GRID2: variants seen among roughly 807,000 people sequenced by gnomAD.
The protein encoded by GRID2 is glutamate ionotropic receptor delta type subunit 2, also known as glutamate receptor ionotropic, delta-2.
Under a neutral mutation model 114.8 loss-of-function variants are expected in GRID2, and 33 were observed. The ratio of observed to expected loss-of-function variants is 0.29; its 90% CI spans 0.22 to 0.38. The LOEUF is 0.38. GRID2 is among the 10% of genes least tolerant of loss of function. The pLI is 1.00. For synonymous variants in GRID2, 505 were observed against 449.9 expected (o/e 1.12, Z -1.55); for missense variants, 1,184 against 1,257.7 (o/e 0.94, Z 0.89).
At chr4:93,650,095 C>T (rs1237118374) in intron 14 of GRID2, among the ~76,000 whole-genome samples, 2 of 152,030 alleles carry the variant, frequency 1.3e-5, no homozygotes, top group Non-Finnish European at 2.9e-5. Flanking sequence ...GCTCACACTT[C>T]CTCTGGTTAA....
rs575508116 is a variant in GRID2, at chr4:93,013,860, T to C, written c.245-71135T>C. ...ATAAACATTATTTGAGGGGCAATTATGAACTAGTATTTTATAAAGCATATT... is the reference window on the plus strand; with the variant it reads ...ATAAACATTATTTGAGGGGCAATTACGAACTAGTATTTTATAAAGCATATT... On this transcript the variant is annotated intron_variant, in intron 2 of 15. Coordinates refer to ENST00000282020, the MANE Select transcript of GRID2 (RefSeq NM_001510.4). Among the ~76,000 whole-genome samples, 13 of 152,046 alleles carry C rather than the reference T, an allele frequency of 8.6e-5. No homozygotes were observed. In the East Asian group the frequency reaches 2.1e-3, roughly 25 times the overall value.
chr4:93,584,025 C>G (rs1329847271), intron 13 of GRID2, among the ~76,000 whole-genome samples: 1 of 151,972 alleles, frequency 6.6e-6, no homozygotes, highest in Non-Finnish European at 1.5e-5. Context: ...TGAAAAATGA[C>G]CTCTATTAAA....
intron 2 of GRID2, among the ~76,000 whole-genome samples, chr4:92,888,030 G>T (rs1746495073): frequency 6.6e-6 from 1 of 152,256 alleles, no homozygotes; most frequent in East Asian, 1.9e-4. Context: ...ATAAATAAAT[G>T]AGTGTGATAG....
At chr4:92,796,749 A>C (rs1048693037) in intron 2 of GRID2, among the ~76,000 whole-genome samples, 6 of 151,870 alleles carry the variant, frequency 4.0e-5, no homozygotes, top group Non-Finnish European at 8.8e-5. Flanking sequence ...CATTCTGTAC[A>C]TCAAACCTTT....
intron 13 of GRID2, among the ~76,000 whole-genome samples, chr4:93,523,913 T>C (rs2149502128): frequency 6.6e-6 from 1 of 152,272 alleles, no homozygotes; most frequent in African/African-American, 2.4e-5. Context: ...CAGCTTCATC[T>C]ATACTTCGTC....
At chr4:92,678,309 C>T (rs535907113) in intron 2 of GRID2, among the ~76,000 whole-genome samples, 4 of 152,082 alleles carry the variant, frequency 2.6e-5, no homozygotes, top group South Asian at 2.1e-4. Flanking sequence ...ATTATAAATT[C>T]GATAAGGGCA....
rs1409009529 is a variant in GRID2, at chr4:93,760,831, C to A, written c.2361-8379C>A. ...AATCATAATCACTTCCCTGGAATTTCTTTTTTTAGGAGTGTAATATCTGCT... is the reference window on the plus strand; with the variant it reads ...AATCATAATCACTTCCCTGGAATTTATTTTTTTAGGAGTGTAATATCTGCT... On this transcript the variant is annotated intron_variant, in intron 14 of 15. Coordinates refer to ENST00000282020, the MANE Select transcript of GRID2 (RefSeq NM_001510.4). 2.0e-5 allele frequency among the ~76,000 whole-genome samples: 3 copies of A among 152,126 alleles called. No individual in the cohort carries two copies. The East Asian group carries it at 5.8e-4, about 29-fold the overall frequency.
intron 2 of GRID2, among the ~76,000 whole-genome samples, chr4:92,872,010 T>G (rs1745314543): frequency 6.6e-6 from 1 of 152,136 alleles, no homozygotes; most frequent in Non-Finnish European, 1.5e-5. Flanking sequence ...GGTGTATGTG[T>G]GAGTGTGTGT....
rs142022202 is a variant in GRID2, at chr4:92,949,185, G to T, written c.245-135810G>T. Reference sequence around the variant, plus strand: ...GTGTGTGAGAGAGAGAGAGAAGGAGGGAGTATTTAACGAGTAGCTTCTAAA... The same window carrying T: ...GTGTGTGAGAGAGAGAGAGAAGGAGTGAGTATTTAACGAGTAGCTTCTAAA... On this transcript the variant is annotated intron_variant, in intron 2 of 15. Coordinates refer to ENST00000282020, the MANE Select transcript of GRID2 (RefSeq NM_001510.4). Among the ~76,000 whole-genome samples the T allele has an allele frequency of 2.7e-3, 401 of 151,178 alleles. 5 individuals carry two copies. Among genetic ancestry groups the T allele is most frequent in the African/African-American group, 9.4e-3 (389 of 41,272 alleles).
chr4:93,467,868 T>C (rs1724440488), intron 11 of GRID2, among the ~76,000 whole-genome samples: 1 of 152,194 alleles, frequency 6.6e-6, no homozygotes, highest in African/African-American at 2.4e-5. Flanking sequence ...GAAACAAACT[T>C]CCTTTATTTA....
chr4:93,667,963 A>T (rs566628941), intron 14 of GRID2, among the ~76,000 whole-genome samples: 23 of 152,130 alleles, frequency 1.5e-4, no homozygotes, highest in Non-Finnish European at 2.5e-4. Context: ...TCTTTTCAAG[A>T]TTATCAAATG....
In GRID2 at chr4:92,477,754, T is replaced by C. The variant is rs183838332; in HGVS notation, c.89-112377T>C. Among the ~76,000 whole-genome samples, 16 of 147,928 alleles carry C rather than the reference T, an allele frequency of 1.1e-4. No individual in the cohort carries two copies. The East Asian group carries it at 3.1e-3, about 29-fold the overall frequency. On this transcript the variant is annotated intron_variant, in intron 1 of 15. Transcript: ENST00000282020. ...TAAACAGGGTATATATGTTTATATATTTATATATCCTCTTTTATATATATT... is the reference window on the plus strand; with the variant it reads ...TAAACAGGGTATATATGTTTATATACTTATATATCCTCTTTTATATATATT...
chr4:92,695,456 G>T (rs899532726), intron 2 of GRID2, among the ~76,000 whole-genome samples: 25 of 151,760 alleles, frequency 1.6e-4, no homozygotes, highest in African/African-American at 6.1e-4. Flanking sequence ...GAAAATGAAA[G>T]AAATTCATAT....
intron 10 of GRID2, 98 bp from the exon 11 acceptor site, chr4:93,455,564 G>T: frequency 1.4e-6 from 1 of 701,254 alleles, no homozygotes; most frequent in East Asian, 2.6e-5. Flanking sequence ...TATATTGCCT[G>T]AGGCATCTAT....
At chr4:92,792,713 TC>T (rs1739652518) in intron 2 of GRID2, among the ~76,000 whole-genome samples, 1 of 151,806 alleles carries the variant, frequency 6.6e-6, no homozygotes, top group Non-Finnish European at 1.5e-5. Context: ...ATAGAAATTT[TC>T]CACATATTTG....
intron 14 of GRID2, among the ~76,000 whole-genome samples, chr4:93,634,605 G>A (rs1440923241): frequency 6.6e-6 from 1 of 152,116 alleles, no homozygotes; most frequent in Non-Finnish European, 1.5e-5. Context: ...TCAGGTTGAA[G>A]CTCGTGTCCT....
At chr4:92,456,531 T>C (rs1018034215) in intron 1 of GRID2, among the ~76,000 whole-genome samples, 2 of 152,098 alleles carry the variant, frequency 1.3e-5, no homozygotes, top group Admixed American at 6.6e-5. Flanking sequence ...CACTAGGTAG[T>C]GTAGAGGATG....
chr4:92,335,201 C>G (rs1464079466), intron 1 of GRID2, among the ~76,000 whole-genome samples: 6 of 152,194 alleles, frequency 3.9e-5, no homozygotes, highest in Non-Finnish European at 7.4e-5. Flanking sequence ...AAGCTACACC[C>G]TTTGCAGAAT....
At chr4:92,385,840 TTTAAC>T (rs1729924284) in intron 1 of GRID2, among the ~76,000 whole-genome samples, 1 of 150,486 alleles carries the variant, frequency 6.6e-6, no homozygotes, top group Non-Finnish European at 1.5e-5. Flanking sequence ...AGAAAAAATA[TTTAAC>T]TTTTGTTGTG....
Sources: allele counts gnomAD v4.1 joint callset (sites outside exome capture counted in the v4.1 genomes callset), GRCh38; gene constraint gnomAD v4.1.1; transcripts MANE v1.5; gene names NCBI Gene and HGNC (gene_info 2026-07-23, HGNC 2026-07-21).